The following BICRA variants were observed in gnomAD, a reference collection of about 807,000 sequenced individuals.
The protein encoded by BICRA is BRD4-interacting chromatin-remodeling complex-associated protein.
In BICRA, 31 loss-of-function variants were observed where a neutral mutation model predicts 96.9. That is an observed-to-expected ratio of 0.32 (90% CI 0.24 to 0.43). The LOEUF (loss-of-function observed/expected upper bound fraction) is 0.43, where lower values mean the gene tolerates loss of function less well. Among genes scored for constraint, BICRA ranks in the 20% least tolerant of loss-of-function variants. BICRA has a pLI of 1.00. For missense variants in BICRA, 2,283 were observed against 2,190.3 expected, an observed-to-expected ratio of 1.04 and a Z score of -0.84; for synonymous variants, 1,350 against 1,071.8, an observed-to-expected ratio of 1.26 and a Z score of -5.07.
At chr19:47,624,388 A>G (rs940629782) in intron 1 of BICRA, among the ~76,000 whole-genome samples, 1 of 152,192 alleles carries the variant, frequency 6.6e-6, no homozygotes, top group Non-Finnish European at 1.5e-5. Flanking sequence ...GAGTATCACA[A>G]TAGAGCGAGC....
At chr19:47,666,276 TTTTTTC>T (rs1408242291) in intron 1 of BICRA, among the ~76,000 whole-genome samples, 3 of 138,644 alleles carry the variant, frequency 2.2e-5, no homozygotes, top group Non-Finnish European at 4.6e-5. Context: ...CCCAATTTCT[TTTTTTC>T]TTTTTCTTTT....
intron 7 of BICRA, among the ~76,000 whole-genome samples, chr19:47,687,960 G>GA (rs1308328058): frequency 6.6e-6 from 1 of 152,092 alleles, no homozygotes; most frequent in Non-Finnish European, 1.5e-5. Flanking sequence ...AAACCTTTTT[G>GA]AAAAGGTTCA....
At chr19:47,630,107 C>T (rs1423247999) in intron 1 of BICRA, among the ~76,000 whole-genome samples, 1 of 151,466 alleles carries the variant, frequency 6.6e-6, no homozygotes, top group Non-Finnish European at 1.5e-5. Flanking sequence ...TCTATCCTCC[C>T]TTCCCTCAGC....
intron 1 of BICRA, among the ~76,000 whole-genome samples, chr19:47,647,348 A>G (rs570419863): frequency 4.6e-5 from 7 of 152,230 alleles, no homozygotes; most frequent in South Asian, 2.1e-4. Context: ...GTGTTAACCT[A>G]CTGAGACCAG....
chr19:47,673,631 C>G lies in BICRA; in HGVS notation c.41+16C>G. On this transcript the variant is annotated intron_variant, in intron 3 of 14. Coordinates refer to ENST00000594866, the MANE Select transcript of BICRA (RefSeq NM_001394372.1). Reference sequence around the variant, plus strand: ...ACGTGATTTGGTGAGTAACGGGCTCCCCACCCCCTGCCCTCTGTCTCAACC... The same window carrying G: ...ACGTGATTTGGTGAGTAACGGGCTCGCCACCCCCTGCCCTCTGTCTCAACC... 1 of 1,596,860 alleles carries G rather than the reference C, an allele frequency of 6.3e-7. No homozygotes were observed. Among genetic ancestry groups the G allele is most frequent in the Non-Finnish European group, 8.6e-7 (1 of 1,164,548 alleles).
At chr19:47,660,918 T>G (rs1172414337) in intron 1 of BICRA, among the ~76,000 whole-genome samples, 1 of 152,144 alleles carries the variant, frequency 6.6e-6, no homozygotes, top group Non-Finnish European at 1.5e-5. Context: ...AATGATAAGA[T>G]GAAGCACTTT....
intron 2 of BICRA, 136 bp from the exon 3 acceptor site, chr19:47,673,434 C>T: frequency 1.4e-6 from 1 of 701,992 alleles, no homozygotes; most frequent in Admixed American, 2.3e-5. Context: ...TTCCTTGTCC[C>T]CATCTATCCC....
In BICRA at chr19:47,702,293, C is replaced by T. The variant is rs1184083854; in HGVS notation, c.4561C>T (p.Pro1521Ser). 1 of 1,589,836 alleles carries T rather than the reference C, an allele frequency of 6.3e-7. No homozygotes were observed. The highest frequency in any genetic ancestry group is 1.4e-5 in the African/African-American group (1 of 73,824). Reference protein sequence around the residue: ...LQQAPGRTPAPSYPHAASAGT... With the variant: ...LQQAPGRTPASSYPHAASAGT... ...GCAGGCCCCCGGCCGGACGCCCGCG[C>T]CCTCGTACCCCCACGCTGCCTCGGC... The change falls in exon 15 of 15, where the codon CCC becomes TCC. Residue 1521 changes from proline to serine, a missense_variant. Coordinates refer to ENST00000594866, the MANE Select transcript of BICRA (RefSeq NM_001394372.1).
chr19:47,664,580 G>A (rs1411458546), intron 1 of BICRA, among the ~76,000 whole-genome samples: 1 of 152,216 alleles, frequency 6.6e-6, no homozygotes, highest in African/African-American at 2.4e-5. Flanking sequence ...CCGTGGGGAT[G>A]GGGAGGGATC....
At chr19:47,645,545 CTT>C (rs1440589468) in intron 1 of BICRA, among the ~76,000 whole-genome samples, 2 of 152,158 alleles carry the variant, frequency 1.3e-5, no homozygotes, top group Admixed American at 6.5e-5. Flanking sequence ...AAAATGGTCT[CTT>C]AACATGAAAA....
intron 1 of BICRA, among the ~76,000 whole-genome samples, chr19:47,633,467 T>C (rs1448846050): frequency 6.6e-6 from 1 of 152,140 alleles, no homozygotes; most frequent in Non-Finnish European, 1.5e-5. Context: ...CCTCCCAAAG[T>C]ACTGTAATTA....
At chr19:47,653,749 C>T (rs189950376) in intron 1 of BICRA, among the ~76,000 whole-genome samples, 8 of 152,288 alleles carry the variant, frequency 5.3e-5, no homozygotes, top group Admixed American at 2.6e-4. Flanking sequence ...TCTGTTTATC[C>T]GTTCATCCAC....
Position 47,680,406 on chromosome 19 carries a change from G to C in BICRA, c.1236G>C (p.Ser412=). Residue 412 remains serine, a synonymous_variant, in exon 6 of 15, where the codon TCG becomes TCC. Coordinates refer to ENST00000594866, the MANE Select transcript of BICRA (RefSeq NM_001394372.1). ...AGKAGQNVVL[S]GFPAPALQAN... The stretch of plus-strand genomic sequence containing the variant: ...AGGCGGGCCAGAACGTGGTGCTGTC[G>C]GGCTTCCCCGCGCCTGCGCTGCAAG... 1.3e-6 allele frequency: 2 copies of C among 1,534,754 alleles called. No individual in the cohort carries two copies. Among genetic ancestry groups the C allele is most frequent in the Non-Finnish European group, 1.7e-6 (2 of 1,145,364 alleles).
intron 1 of BICRA, among the ~76,000 whole-genome samples, chr19:47,633,107 G>T (rs1314561287): frequency 8.9e-6 from 1 of 112,256 alleles, no homozygotes. Flanking sequence ...TTTTGAGACA[G>T]TCTCACTCTG....
At chr19:47,670,106 T>C (rs1004296330) in intron 1 of BICRA, among the ~76,000 whole-genome samples, 1 of 151,986 alleles carries the variant, frequency 6.6e-6, no homozygotes, top group Non-Finnish European at 1.5e-5. Context: ...CAAGCGACCA[T>C]GCCCAGCCAA....
intron 1 of BICRA, among the ~76,000 whole-genome samples, chr19:47,664,611 A>G (rs1972748710): frequency 6.6e-6 from 1 of 152,178 alleles, no homozygotes; most frequent in Non-Finnish European, 1.5e-5. Flanking sequence ...GAGTAAGCAC[A>G]GGGGCTGGTA....
At chr19:47,650,988 C>T (rs1972531946) in intron 1 of BICRA, among the ~76,000 whole-genome samples, 1 of 152,144 alleles carries the variant, frequency 6.6e-6, no homozygotes, top group South Asian at 2.1e-4. Context: ...TGTTCCCTTA[C>T]ACTCCTTGGC....
rs1396090978 is a variant in BICRA at position 47,702,616 on chromosome 19, G to A, written c.*201G>A. On this transcript the variant is annotated 3_prime_UTR_variant, in exon 15 of 15. Coordinates refer to ENST00000594866, the MANE Select transcript of BICRA (RefSeq NM_001394372.1). The stretch of plus-strand genomic sequence containing the variant: ...GGGGTGGGCGTGGATTTAGGGAGGG[G>A]GCTGTGATGTAAAACGTCTCCCCTG... The A allele has an allele frequency of 1.7e-6, 1 of 577,478 alleles. No homozygotes were observed. Among genetic ancestry groups the A allele is most frequent in the South Asian group, 2.5e-5 (1 of 39,368 alleles). 35.8% of individuals were successfully genotyped at this position (577,478 alleles called of 1,614,324 possible). A position where few individuals can be genotyped will look rare whatever the true frequency, so the allele number is the denominator to read the frequency against.
At chr19:47,668,628 C>T (rs1190674100) in intron 1 of BICRA, among the ~76,000 whole-genome samples, 2 of 151,920 alleles carry the variant, frequency 1.3e-5, no homozygotes, top group East Asian at 1.9e-4. Context: ...GGCACGACTA[C>T]AGGCACCCGC....
Sources: gnomAD v4.1 joint callset for allele counts (sites outside exome capture counted in the v4.1 genomes callset) on GRCh38, gnomAD v4.1.1 for gene constraint, MANE v1.5 for transcripts, NCBI Gene and HGNC (gene_info 2026-07-23, HGNC 2026-07-21) for gene names.